The following CCDC192 variants were observed in gnomAD, a reference collection of about 807,000 sequenced individuals.
The protein encoded by CCDC192 is coiled-coil domain containing 192, also known as coiled-coil domain-containing protein 192.
At chr5:127,721,555 AAC>A (rs1752021361) in intron 2 of CCDC192, among the ~76,000 whole-genome samples, 1 of 152,050 alleles carries the variant, frequency 6.6e-6, no homozygotes. Flanking sequence ...GAGCCCTCCA[AAC>A]TCTTCTAACC....
intron 3 of CCDC192, among the ~76,000 whole-genome samples, chr5:127,790,867 T>G (rs1756829261): frequency 2.0e-5 from 3 of 152,242 alleles, no homozygotes; most frequent in Admixed American, 6.5e-5. Context: ...AAATGTTTAT[T>G]TATTAATAAA....
chr5:127,876,488 GACCAT>G (rs1261577052), intron 6 of CCDC192, among the ~76,000 whole-genome samples: 1 of 152,186 alleles, frequency 6.6e-6, no homozygotes, highest in Non-Finnish European at 1.5e-5. Flanking sequence ...AGCAGCCGCT[GACCAT>G]ACCCTAGTGT....
intron 6 of CCDC192, among the ~76,000 whole-genome samples, chr5:127,878,809 TTCA>T (rs1752227948): frequency 6.7e-6 from 1 of 149,780 alleles, no homozygotes; most frequent in Non-Finnish European, 1.5e-5. Context: ...TATGGCCATT[TTCA>T]TGATATTGAT....
At chr5:127,732,109 G>A (rs1320771475) in intron 2 of CCDC192, among the ~76,000 whole-genome samples, 1 of 151,840 alleles carries the variant, frequency 6.6e-6, no homozygotes, top group African/African-American at 2.4e-5. Context: ...ATCTGACAAA[G>A]GTCTAATATC....
intron 5 of CCDC192, among the ~76,000 whole-genome samples, chr5:127,857,418 A>G (rs1751148227): frequency 1.3e-5 from 2 of 152,182 alleles, no homozygotes; most frequent in Non-Finnish European, 1.5e-5. Context: ...TCATCATAAC[A>G]TGACTAAGCT....
intron 3 of CCDC192, among the ~76,000 whole-genome samples, chr5:127,791,940 G>T (rs1030098940): frequency 6.6e-6 from 1 of 152,174 alleles, no homozygotes; most frequent in African/African-American, 2.4e-5. Flanking sequence ...GAAACCATGT[G>T]CAAAGTAGTA....
intron 6 of CCDC192, among the ~76,000 whole-genome samples, chr5:127,910,443 G>T (rs1753314281): frequency 6.6e-6 from 1 of 152,152 alleles, no homozygotes; most frequent in Non-Finnish European, 1.5e-5. Context: ...GTGGGTTAGT[G>T]CATCCATCTT....
intron 6 of CCDC192, among the ~76,000 whole-genome samples, chr5:127,927,730 AC>A (rs1485626233): frequency 6.6e-6 from 1 of 152,116 alleles, no homozygotes; most frequent in African/African-American, 2.4e-5. Flanking sequence ...ATGTCTGGAA[AC>A]CCTCAGTTGC....
Position 127,912,546 on chromosome 5 carries a change from A to T in CCDC192, c.536-28636A>T, listed in dbSNP as rs143953054. ...GCCAAGGGCTTCTGCACTTGCAGAC[A>T]TCACAGGAGAACACCGAGCCTCTGT... On this transcript the variant is annotated intron_variant, in intron 6 of 6. Coordinates refer to ENST00000514853, the MANE Select transcript of CCDC192 (RefSeq NM_001317938.2). Among the ~76,000 whole-genome samples, 425 of 152,146 alleles carry T rather than the reference A, an allele frequency of 2.8e-3. 1 individual carries two copies. Among genetic ancestry groups the T allele is most frequent in the African/African-American group, 9.8e-3 (408 of 41,520 alleles).
chr5:127,732,234 A>G (rs1366685721), intron 2 of CCDC192, among the ~76,000 whole-genome samples: 1 of 152,200 alleles, frequency 6.6e-6, no homozygotes, highest in Non-Finnish European at 1.5e-5. Context: ...CAACAAACAT[A>G]TGGAAAAAAG....
rs192484443 is a variant in CCDC192 at position 127,803,142 on chromosome 5, T to C, written c.411+4980T>C. Among the ~76,000 whole-genome samples, 3 of 152,364 alleles carry C rather than the reference T, an allele frequency of 2.0e-5. No individual in the cohort carries two copies. The East Asian group carries it at 5.8e-4, about 29-fold the overall frequency. ...TGGCTTGCTTTTATTCAGAGTTCACTGCTCTAGAACTCAATAGTTGAATAA... is the reference window on the plus strand; with the variant it reads ...TGGCTTGCTTTTATTCAGAGTTCACCGCTCTAGAACTCAATAGTTGAATAA... On this transcript the variant is annotated intron_variant, in intron 5 of 6. Transcript: ENST00000514853.
At chr5:127,941,143 T>A (rs1754390733) in intron 6 of CCDC192, 39 bp from the exon 7 acceptor site, 1 of 399,012 alleles carries the variant, frequency 2.5e-6, no homozygotes, top group East Asian at 3.6e-5. Flanking sequence ...GGAAATCTAA[T>A]CAAAACTGCT....
intron 6 of CCDC192, among the ~76,000 whole-genome samples, chr5:127,926,777 T>C (rs1394912415): frequency 6.6e-6 from 1 of 152,108 alleles, no homozygotes; most frequent in Non-Finnish European, 1.5e-5. Context: ...CATACCAATA[T>C]ATTGCAACCA....
chr5:127,719,846 C>T (rs1282679702), intron 2 of CCDC192, among the ~76,000 whole-genome samples: 3 of 143,502 alleles, frequency 2.1e-5, no homozygotes, highest in African/African-American at 7.7e-5. Flanking sequence ...GGGGAGGTGA[C>T]ACATGCTTTT....
intron 2 of CCDC192, among the ~76,000 whole-genome samples, chr5:127,737,083 C>T (rs1381601984): frequency 6.6e-6 from 1 of 151,418 alleles, no homozygotes; most frequent in Non-Finnish European, 1.5e-5. Context: ...ATAAATTTCC[C>T]TCTACACATT....
At chr5:127,772,019 T>C (rs1015864902) in intron 3 of CCDC192, among the ~76,000 whole-genome samples, 3 of 152,192 alleles carry the variant, frequency 2.0e-5, no homozygotes, top group African/African-American at 7.2e-5. Context: ...TTGGCCTCAG[T>C]GCGCATTTCT....
chr5:127,750,777 G>A (rs200018917), intron 2 of CCDC192, among the ~76,000 whole-genome samples: 2,279 of 149,190 alleles, frequency 0.015, 34 homozygotes, highest in East Asian at 0.069. Flanking sequence ...CTCAGGACTT[G>A]CTTTATGAAT....
At chr5:127,724,308 C>T (rs1299655285) in intron 2 of CCDC192, among the ~76,000 whole-genome samples, 1 of 152,164 alleles carries the variant, frequency 6.6e-6, no homozygotes, top group Non-Finnish European at 1.5e-5. Context: ...CCTATTTCTA[C>T]CTGCGATCTT....
At chr5:127,778,028 T>G (rs1755971160) in intron 3 of CCDC192, among the ~76,000 whole-genome samples, 1 of 152,038 alleles carries the variant, frequency 6.6e-6, no homozygotes, top group Admixed American at 6.6e-5. Flanking sequence ...TGTGTGTGTG[T>G]TGTTTGGAAT....
Sources: gnomAD v4.1 joint callset for allele counts (sites outside exome capture counted in the v4.1 genomes callset) on GRCh38, gnomAD v4.1.1 for gene constraint, MANE v1.5 for transcripts, NCBI Gene and HGNC (gene_info 2026-07-23, HGNC 2026-07-21) for gene names.